VSNL1: variants seen among roughly 807,000 people sequenced by gnomAD.
VSNL1 encodes visinin like 1, also known as visinin-like protein 1.
In VSNL1, 6 loss-of-function variants were observed where a neutral mutation model predicts 20.4. That is an observed-to-expected ratio of 0.29 (90% confidence interval 0.16 to 0.58). The LOEUF (loss-of-function observed/expected upper bound fraction) is 0.58, where lower values mean the gene tolerates loss of function less well. Ranked by LOEUF, VSNL1 falls within the 20% of genes least tolerant of loss-of-function variation. The probability of loss-of-function intolerance (pLI) is 0.90; values close to 1 mark genes in which losing one functional copy is unlikely to be tolerated. For synonymous variants in VSNL1, 93 were observed against 86.4 expected (o/e 1.08, Z -0.42); for missense variants, 100 against 234.5 (o/e 0.43, Z 3.75).
chr2:17,615,108 T>C (rs1665185333), intron 2 of VSNL1, among the ~76,000 whole-genome samples: 1 of 152,176 alleles, frequency 6.6e-6, no homozygotes, highest in African/African-American at 2.4e-5. Context: ...ATCCATGACA[T>C]GTCATTAAAT....
At chr2:17,599,912 T>G (rs1457205945) in intron 2 of VSNL1, among the ~76,000 whole-genome samples, 1 of 152,162 alleles carries the variant, frequency 6.6e-6, no homozygotes, top group Non-Finnish European at 1.5e-5. Context: ...GTTTATCTTG[T>G]GGTAGAGCAG....
intron 1 of VSNL1, among the ~76,000 whole-genome samples, chr2:17,570,813 G>A (rs1486631453): frequency 2.6e-5 from 4 of 152,156 alleles, no homozygotes; most frequent in African/African-American, 7.2e-5. Context: ...TTGGGAGGCC[G>A]AGGTGGGTGG....
chr2:17,597,971 A>G (rs1409273658), intron 2 of VSNL1, among the ~76,000 whole-genome samples: 2 of 152,254 alleles, frequency 1.3e-5, no homozygotes, highest in Admixed American at 6.5e-5. Flanking sequence ...AAATTTACTC[A>G]CCAAAATTTT....
At chr2:17,606,143 C>A (rs1317237003) in intron 2 of VSNL1, among the ~76,000 whole-genome samples, 1 of 152,216 alleles carries the variant, frequency 6.6e-6, no homozygotes, top group African/African-American at 2.4e-5. Flanking sequence ...TGCTCTTTAC[C>A]TGGTAGAGAG....
chr2:17,541,741 A>T, intron 1 of VSNL1: 1 of 152,264 alleles, frequency 6.6e-6, no homozygotes, highest in East Asian at 1.9e-4. Flanking sequence ...TTTGAGTTAA[A>T]ATGGGTTGTT....
chr2:17,569,968 A>G (rs1664043801), intron 1 of VSNL1, among the ~76,000 whole-genome samples: 1 of 152,210 alleles, frequency 6.6e-6, no homozygotes, highest in African/African-American at 2.4e-5. Flanking sequence ...TCAGGATTCC[A>G]ATTTCTTGTT....
intron 1 of VSNL1, among the ~76,000 whole-genome samples, chr2:17,591,674 G>A (rs917905152): frequency 4.6e-5 from 7 of 152,090 alleles, no homozygotes; most frequent in African/African-American, 1.7e-4. Context: ...ATCCCACTGA[G>A]TATCCCATTA....
At chr2:17,557,580 G>C (rs1401741565) in intron 1 of VSNL1, among the ~76,000 whole-genome samples, 1 of 152,170 alleles carries the variant, frequency 6.6e-6, no homozygotes, top group Admixed American at 6.5e-5. Flanking sequence ...ATCCACTGAG[G>C]TCTGGATTTC....
chr2:17,563,391 A>G (rs920428451), intron 1 of VSNL1, among the ~76,000 whole-genome samples: 1 of 152,174 alleles, frequency 6.6e-6, no homozygotes, highest in Non-Finnish European at 1.5e-5. Flanking sequence ...GTGTTTAGCT[A>G]TGTGTGGCAT....
upstream of VSNL1, chr2:17,540,189 G>A (rs560889304): frequency 1.3e-5 from 2 of 152,526 alleles, no homozygotes; most frequent in East Asian, 3.9e-4. Context: ...CCAGGTAGAC[G>A]TGCTCACAGC....
At chr2:17,637,550 ACCCCAGGATGCCTC>A (rs1192632628) in intron 2 of VSNL1, among the ~76,000 whole-genome samples, 1 of 149,770 alleles carries the variant, frequency 6.7e-6, no homozygotes, top group Non-Finnish European at 1.5e-5. Context: ...CCCCAACCCC[ACCCCAGGATGCCTC>A]CCCTGACTTC....
chr2:17,563,274 G>A (rs1275374491), intron 1 of VSNL1, among the ~76,000 whole-genome samples: 2 of 152,208 alleles, frequency 1.3e-5, no homozygotes, highest in Non-Finnish European at 2.9e-5. Flanking sequence ...TTTAACAGAA[G>A]AGGATAGTGA....
At chr2:17,544,716 A>G (rs907437496) in intron 1 of VSNL1, among the ~76,000 whole-genome samples, 2 of 152,150 alleles carry the variant, frequency 1.3e-5, no homozygotes, top group African/African-American at 4.8e-5. Context: ...AGTGATTTCT[A>G]TGCTCCTAAA....
At chr2:17,598,981 A>G (rs1664771108) in intron 2 of VSNL1, among the ~76,000 whole-genome samples, 1 of 152,212 alleles carries the variant, frequency 6.6e-6, no homozygotes, top group Admixed American at 6.5e-5. Context: ...TTTTGTCTAT[A>G]GCTCCACGCT....
At chr2:17,587,348 AACACACACACACACACAC>A (rs67537461) in intron 1 of VSNL1, among the ~76,000 whole-genome samples, 167 of 134,664 alleles carry the variant, frequency 1.2e-3, no homozygotes, top group African/African-American at 4.4e-3. Context: ...GGCTGAGGGC[AACACACACACACACACAC>A]ACACACACAC....
intron 1 of VSNL1, among the ~76,000 whole-genome samples, chr2:17,544,703 T>C (rs1481861401): frequency 6.6e-6 from 1 of 152,206 alleles, no homozygotes; most frequent in Non-Finnish European, 1.5e-5. Context: ...TTTCTTTGTT[T>C]TGAGTGATTT....
chr2:17,578,269 A>C (rs1025784094), intron 1 of VSNL1, among the ~76,000 whole-genome samples: 1 of 152,180 alleles, frequency 6.6e-6, no homozygotes, highest in African/African-American at 2.4e-5. Flanking sequence ...TAGACAACAC[A>C]ACTCCACTGT....
intron 2 of VSNL1, among the ~76,000 whole-genome samples, chr2:17,621,712 C>T (rs1292903671): frequency 6.6e-6 from 1 of 152,198 alleles, no homozygotes. Flanking sequence ...AGTACAGCCT[C>T]GAACCCCTGG....
intron 1 of VSNL1, among the ~76,000 whole-genome samples, chr2:17,559,468 T>C (rs1029743870): frequency 6.6e-6 from 1 of 152,034 alleles, no homozygotes; most frequent in Admixed American, 6.5e-5. Context: ...CAACTATGTC[T>C]TTTACAAAAA....
Sources: gnomAD v4.1 joint callset for allele counts (sites outside exome capture counted in the v4.1 genomes callset) on GRCh38, gnomAD v4.1.1 for gene constraint, MANE v1.5 for transcripts, NCBI Gene and HGNC (gene_info 2026-07-23, HGNC 2026-07-21) for gene names.